Variants in MAGI2 observed in about 807,000 individuals in gnomAD.
MAGI2 encodes the protein membrane-associated guanylate kinase, WW and PDZ domain-containing protein 2.
In MAGI2, 35 loss-of-function variants were observed where a neutral mutation model predicts 133.3. The observed-to-expected ratio is 0.26, with a 90% CI of 0.20 to 0.35. The LOEUF is 0.35. MAGI2 is among the 10% of genes least tolerant of loss of function. The probability of loss-of-function intolerance (pLI) is 1.00; values close to 1 mark genes in which losing one functional copy is unlikely to be tolerated. For missense variants in MAGI2, 1,636 were observed against 1,863.4 expected, an observed-to-expected ratio of 0.88 and a Z score of 2.25; for synonymous variants, 729 against 710.6, an observed-to-expected ratio of 1.03 and a Z score of -0.41.
chr7:78,641,944 C>T (rs1033191778), intron 2 of MAGI2, among the ~76,000 whole-genome samples: 19 of 152,142 alleles, frequency 1.2e-4, no homozygotes, highest in Non-Finnish European at 2.5e-4. Flanking sequence ...TCAGTATTGA[C>T]TGAGGGCATT....
At chr7:78,107,330 T>G (rs975992178) in intron 20 of MAGI2, among the ~76,000 whole-genome samples, 2 of 152,184 alleles carry the variant, frequency 1.3e-5, no homozygotes, top group Admixed American at 1.3e-4. Context: ...TTGCCTACTC[T>G]AGGTCTTTTG....
chr7:78,585,546 G>T (rs1021124992), intron 3 of MAGI2, among the ~76,000 whole-genome samples: 1 of 152,086 alleles, frequency 6.6e-6, no homozygotes. Flanking sequence ...AAGAAGAAGG[G>T]GTATTTAAAA....
At chr7:79,236,515 C>T (rs1831935603) in intron 1 of MAGI2, among the ~76,000 whole-genome samples, 2 of 152,238 alleles carry the variant, frequency 1.3e-5, no homozygotes, top group South Asian at 2.1e-4. Context: ...CACAAAGCAG[C>T]ATGTCTGGAG....
At chr7:79,009,670 TC>T (rs1302129041) in intron 1 of MAGI2, among the ~76,000 whole-genome samples, 3 of 152,124 alleles carry the variant, frequency 2.0e-5, no homozygotes, top group African/African-American at 7.2e-5. Context: ...GTCTGGAAAG[TC>T]ATTCAATCAT....
At chr7:79,135,740 A>C (rs1354978803) in intron 1 of MAGI2, among the ~76,000 whole-genome samples, 2 of 151,818 alleles carry the variant, frequency 1.3e-5, no homozygotes, top group Non-Finnish European at 2.9e-5. Context: ...CGGGAGTCCG[A>C]GATGAGCCTG....
Position 79,021,280 on chromosome 7 carries a change from G to A in MAGI2, c.302-14074C>T, listed in dbSNP as rs139869036. 1.6e-3 allele frequency among the ~76,000 whole-genome samples: 246 copies of A among 152,312 alleles called. 1 individual carries two copies. Among genetic ancestry groups the A allele is most frequent in the South Asian group, 6.0e-3 (29 of 4,826 alleles). ...AGAGTCTCCACTGGGGCACTGCCTA[G>A]GGGAGCTATGAGAAGAGGACCACCA... On this transcript the variant is annotated intron_variant, in intron 1 of 21. Transcript: ENST00000354212.
At position 78,101,967 on chromosome 7, in the gene MAGI2, C is replaced by T. The variant is rs76496979; in HGVS notation, c.3568-22882G>A. 9.7e-3 allele frequency among the ~76,000 whole-genome samples: 1,473 copies of T among 152,262 alleles called. 25 individuals carry two copies. Among genetic ancestry groups the T allele is most frequent in the African/African-American group, 0.034 (1,404 of 41,534 alleles). ...AAGATACGAAAACAACCTAAGTATACATCAACAGGTGAATTTTTTAAAAAA... is the reference window on the plus strand; with the variant it reads ...AAGATACGAAAACAACCTAAGTATATATCAACAGGTGAATTTTTTAAAAAA... On this transcript the variant is annotated intron_variant, in intron 20 of 21. Coordinates refer to ENST00000354212, the MANE Select transcript of MAGI2 (RefSeq NM_012301.4).
intron 7 of MAGI2, among the ~76,000 whole-genome samples, chr7:78,355,496 T>C (rs1349441005): frequency 1.3e-5 from 2 of 152,346 alleles, no homozygotes; most frequent in South Asian, 2.1e-4. Flanking sequence ...GAATACTATA[T>C]GCTGACCCTC....
intron 2 of MAGI2, among the ~76,000 whole-genome samples, chr7:78,947,280 C>A (rs1584472920): frequency 6.6e-6 from 1 of 152,216 alleles, no homozygotes; most frequent in Non-Finnish European, 1.5e-5. Flanking sequence ...CCCTCCTCCC[C>A]TCACCTCACC....
chr7:78,969,328 G>C lies in MAGI2; in HGVS notation c.418+37762C>G, dbSNP rs897190927. ...CAAGCCTCTGTACTAAATCGATAGC[G>C]TTCCGCCCAAACGTGGAAACCCCGC... On this transcript the variant is annotated intron_variant, in intron 2 of 21. Transcript: ENST00000354212. 1.4e-4 allele frequency among the ~76,000 whole-genome samples: 22 copies of C among 152,092 alleles called. No individual in the cohort carries two copies. In the East Asian group the frequency reaches 2.1e-3, roughly 15 times the overall value.
intron 1 of MAGI2, among the ~76,000 whole-genome samples, chr7:79,320,322 T>C (rs1417579377): frequency 6.6e-6 from 1 of 152,036 alleles, no homozygotes; most frequent in Non-Finnish European, 1.5e-5. Context: ...AAAATCAAAG[T>C]CGCAAAGAAA....
intron 1 of MAGI2, among the ~76,000 whole-genome samples, chr7:79,194,389 A>T (rs189564865): frequency 6.6e-6 from 1 of 152,084 alleles, no homozygotes; most frequent in Admixed American, 6.6e-5. Flanking sequence ...TTTAGTGATT[A>T]TTCTCACAAG....
chr7:78,734,625 A>G (rs1021564295), intron 2 of MAGI2, among the ~76,000 whole-genome samples: 1 of 152,240 alleles, frequency 6.6e-6, no homozygotes, highest in Admixed American at 6.5e-5. Context: ...AAGTGACAGC[A>G]TAACAGTGAC....
chr7:78,299,533 T>C (rs1202436957), intron 9 of MAGI2, among the ~76,000 whole-genome samples: 1 of 152,144 alleles, frequency 6.6e-6, no homozygotes, highest in Non-Finnish European at 1.5e-5. Context: ...TACAAAAAAA[T>C]GCTACAGGGA....
chr7:78,204,569 G>A (rs191969313), intron 10 of MAGI2, among the ~76,000 whole-genome samples: 1 of 152,164 alleles, frequency 6.6e-6, no homozygotes, highest in Admixed American at 6.5e-5. Flanking sequence ...CCCTACTTCT[G>A]TAGAAAGCTG....
At chr7:78,051,731 T>G (rs1183603368) in intron 21 of MAGI2, among the ~76,000 whole-genome samples, 2 of 151,734 alleles carry the variant, frequency 1.3e-5, no homozygotes, top group African/African-American at 4.8e-5. Flanking sequence ...ACTATAGGCA[T>G]GCACCACCAT....
chr7:78,324,612 T>C (rs1788389965), intron 9 of MAGI2, among the ~76,000 whole-genome samples: 1 of 152,200 alleles, frequency 6.6e-6, no homozygotes, highest in African/African-American at 2.4e-5. Flanking sequence ...ATGAGTGTTA[T>C]TATTAGATAA....
At chr7:78,608,395 G>C (rs556908605) in intron 3 of MAGI2, among the ~76,000 whole-genome samples, 45 of 151,390 alleles carry the variant, frequency 3.0e-4, no homozygotes, top group African/African-American at 1.0e-3. Flanking sequence ...AGATAATAAT[G>C]GTTTCTACTT....
At chr7:79,001,756 A>G (rs1393945114) in intron 2 of MAGI2, among the ~76,000 whole-genome samples, 1 of 152,150 alleles carries the variant, frequency 6.6e-6, no homozygotes, top group Non-Finnish European at 1.5e-5. Context: ...AATTTCTTTC[A>G]TATATTTTCG....
Sources: gnomAD v4.1 joint callset for allele counts (sites outside exome capture counted in the v4.1 genomes callset) on GRCh38, gnomAD v4.1.1 for gene constraint, MANE v1.5 for transcripts, NCBI Gene and HGNC (gene_info 2026-07-23, HGNC 2026-07-21) for gene names.